The following MGAT4C variants were observed in gnomAD, a reference collection of about 807,000 sequenced individuals.
MGAT4C encodes the protein alpha-1,3-mannosyl-glycoprotein 4-beta-N-acetylglucosaminyltransferase C.
A neutral mutation model predicts 40.1 loss-of-function variants in MGAT4C; 19 were observed. That is an observed-to-expected ratio of 0.47 (90% confidence interval 0.33 to 0.70). The LOEUF is 0.70. MGAT4C is among the 30% of genes least tolerant of loss of function. The probability of loss-of-function intolerance (pLI) is 0.02; values close to 1 mark genes in which losing one functional copy is unlikely to be tolerated. For missense variants in MGAT4C, 491 were observed against 563.2 expected, an observed-to-expected ratio of 0.87 and a Z score of 1.30; for synonymous variants, 181 against 187.1, an observed-to-expected ratio of 0.97 and a Z score of 0.27.
At chr12:86,587,120 G>A (rs554964351) in intron 2 of MGAT4C, among the ~76,000 whole-genome samples, 9 of 151,692 alleles carry the variant, frequency 5.9e-5, no homozygotes, top group Admixed American at 1.3e-4. Flanking sequence ...ATCTTGAATT[G>A]ATTTTTGTAT....
chr12:86,799,551 G>C (rs1037828552), intron 1 of MGAT4C, among the ~76,000 whole-genome samples: 3 of 151,858 alleles, frequency 2.0e-5, no homozygotes, highest in African/African-American at 7.2e-5. Context: ...TGCACAAATA[G>C]CTTTTATATT....
intron 4 of MGAT4C, among the ~76,000 whole-genome samples, chr12:86,288,699 C>A (rs1470122418): frequency 1.3e-5 from 2 of 151,528 alleles, no homozygotes; most frequent in African/African-American, 4.9e-5. Context: ...ATTTGTTGAC[C>A]ACATGTAAGT....
chr12:86,584,777 A>G (rs1285022350), intron 2 of MGAT4C, among the ~76,000 whole-genome samples: 2 of 151,372 alleles, frequency 1.3e-5, no homozygotes, highest in African/African-American at 2.4e-5. Context: ...AATATCATCA[A>G]TCTCAGATTT....
At chr12:86,223,202 G>A (rs747286755) in intron 1 of MGAT4C, among the ~76,000 whole-genome samples, 5 of 152,172 alleles carry the variant, frequency 3.3e-5, no homozygotes, top group African/African-American at 9.7e-5. Flanking sequence ...CATTGCTGCC[G>A]AGGGTTGTTG....
At chr12:86,228,046 T>G (rs544375816) in intron 1 of MGAT4C, among the ~76,000 whole-genome samples, 1 of 151,962 alleles carries the variant, frequency 6.6e-6, no homozygotes, top group South Asian at 2.1e-4. Context: ...GCTTATTCAC[T>G]TCAATATTTA....
intron 2 of MGAT4C, among the ~76,000 whole-genome samples, chr12:86,505,491 C>T (rs1196090727): frequency 6.6e-6 from 1 of 152,176 alleles, no homozygotes; most frequent in Non-Finnish European, 1.5e-5. Flanking sequence ...AGAGTCAGCA[C>T]AAATGTCATC....
intron 4 of MGAT4C, among the ~76,000 whole-genome samples, chr12:86,326,577 T>C (rs1954533632): frequency 1.3e-5 from 2 of 152,128 alleles, no homozygotes; most frequent in African/African-American, 2.4e-5. Context: ...AAAAGGTAGA[T>C]GAAATTGTTG....
intron 4 of MGAT4C, among the ~76,000 whole-genome samples, chr12:86,293,360 G>A (rs976471014): frequency 6.6e-6 from 1 of 152,030 alleles, no homozygotes; most frequent in African/African-American, 2.4e-5. Flanking sequence ...ATAAGATAAT[G>A]AGCTGGTCTT....
chr12:86,590,841 A>T (rs904640641), intron 2 of MGAT4C, among the ~76,000 whole-genome samples: 5 of 152,022 alleles, frequency 3.3e-5, no homozygotes, highest in African/African-American at 1.2e-4. Flanking sequence ...CAGTCCTTTC[A>T]AATTACAATA....
intron 2 of MGAT4C, among the ~76,000 whole-genome samples, chr12:86,630,429 A>C (rs981075971): frequency 2.0e-5 from 3 of 152,220 alleles, no homozygotes; most frequent in African/African-American, 7.2e-5. Flanking sequence ...GTGATACCAA[A>C]GCCTGGCAGA....
intron 2 of MGAT4C, among the ~76,000 whole-genome samples, chr12:86,720,422 G>A (rs777396792): frequency 9.2e-5 from 14 of 152,274 alleles, no homozygotes; most frequent in Non-Finnish European, 1.6e-4. Context: ...CTAATGGGAA[G>A]GAGAGTCAAA....
intron 1 of MGAT4C, among the ~76,000 whole-genome samples, chr12:86,809,657 AT>A (rs1952432528): frequency 6.6e-6 from 1 of 151,894 alleles, no homozygotes; most frequent in Admixed American, 6.6e-5. Context: ...TCATGTGCTT[AT>A]TTGCCATTTT....
At chr12:86,004,898 G>GTGGT (rs1351000952) in intron 2 of MGAT4C, among the ~76,000 whole-genome samples, 13 of 152,288 alleles carry the variant, frequency 8.5e-5, no homozygotes, top group African/African-American at 2.9e-4. Flanking sequence ...ATGTGTAACT[G>GTGGT]TAGGCAGAAA....
At chr12:86,065,808 C>A (rs995472204) in intron 1 of MGAT4C, among the ~76,000 whole-genome samples, 11 of 152,090 alleles carry the variant, frequency 7.2e-5, no homozygotes, top group Non-Finnish European at 1.5e-4. Flanking sequence ...GTTTAGAAAA[C>A]CCCATAGTCT....
chr12:86,050,366 C>A (rs546061027), intron 1 of MGAT4C, among the ~76,000 whole-genome samples: 9 of 151,958 alleles, frequency 5.9e-5, no homozygotes, highest in Non-Finnish European at 8.8e-5. Context: ...GAATAAAATT[C>A]TCTAAAGATA....
intron 2 of MGAT4C, chr12:86,001,690 G>A: frequency 7.5e-6 from 7 of 928,854 alleles, no homozygotes; most frequent in Non-Finnish European, 9.0e-6. Context: ...TTCTCTGTTA[G>A]GAAGGTACTG....
intron 2 of MGAT4C, among the ~76,000 whole-genome samples, chr12:86,663,335 G>A (rs1964023758): frequency 8.9e-6 from 1 of 112,172 alleles, no homozygotes; most frequent in Non-Finnish European, 1.7e-5. Context: ...GAGTGAAAAA[G>A]TGATACCTCC....
chr12:86,154,876 T>C (rs1020216323), intron 1 of MGAT4C, among the ~76,000 whole-genome samples: 14 of 152,126 alleles, frequency 9.2e-5, no homozygotes, highest in African/African-American at 3.4e-4. Flanking sequence ...CTGTGCCGAA[T>C]CAGACAGATA....
At chr12:86,538,514 C>T (rs1959112169) in intron 2 of MGAT4C, among the ~76,000 whole-genome samples, 2 of 151,914 alleles carry the variant, frequency 1.3e-5, no homozygotes, top group Admixed American at 1.3e-4. Flanking sequence ...GCTGGGGTCA[C>T]CAGAAGCTGA....
Sources: allele counts gnomAD v4.1 joint callset (sites outside exome capture counted in the v4.1 genomes callset), GRCh38; gene constraint gnomAD v4.1.1; transcripts MANE v1.5; gene names NCBI Gene and HGNC (gene_info 2026-07-23, HGNC 2026-07-21).